Variants in RIMS2 observed in about 807,000 individuals in gnomAD.
RIMS2 encodes regulating synaptic membrane exocytosis 2.
In RIMS2, 59 loss-of-function variants were observed where a neutral mutation model predicts 174.4. That is an observed-to-expected ratio of 0.34 (90% CI 0.27 to 0.42). The LOEUF is 0.42. RIMS2 is among the 10% of genes least tolerant of loss of function. RIMS2 has a pLI of 1.00. For missense variants in RIMS2, 1,620 were observed against 1,666.3 expected (o/e 0.97, Z 0.48); for synonymous variants, 606 against 572.5 (o/e 1.06, Z -0.84).
intron 3 of RIMS2, among the ~76,000 whole-genome samples, chr8:103,863,739 G>C (rs2099070317): frequency 6.6e-6 from 1 of 151,920 alleles, no homozygotes; most frequent in African/African-American, 2.4e-5. Context: ...GTTCATAATA[G>C]TCTTTGAGGA....
intron 19 of RIMS2, among the ~76,000 whole-genome samples, chr8:104,093,907 A>T (rs1435915895): frequency 6.6e-6 from 1 of 151,982 alleles, no homozygotes; most frequent in Non-Finnish European, 1.5e-5. Flanking sequence ...GTAATTTAAA[A>T]ATTAAGACCT....
chr8:103,755,094 T>C (rs2097965912), intron 2 of RIMS2, among the ~76,000 whole-genome samples: 1 of 152,182 alleles, frequency 6.6e-6, no homozygotes, highest in East Asian at 1.9e-4. Flanking sequence ...GTTTAGTGCT[T>C]CCTTCAAGAG....
chr8:103,587,043 A>G (rs529842429), intron 1 of RIMS2, among the ~76,000 whole-genome samples: 1 of 152,200 alleles, frequency 6.6e-6, no homozygotes, highest in African/African-American at 2.4e-5. Context: ...GGCTGAATGA[A>G]TGAAAAAACA....
At chr8:103,537,636 C>A (rs369127646) in intron 1 of RIMS2, among the ~76,000 whole-genome samples, 137 of 152,200 alleles carry the variant, frequency 9.0e-4, no homozygotes, top group African/African-American at 3.2e-3. Context: ...TAGGGTAGTA[C>A]TTACCATGTC....
At chr8:104,151,982 G>A (rs561940618) in intron 19 of RIMS2, among the ~76,000 whole-genome samples, 1 of 152,184 alleles carries the variant, frequency 6.6e-6, no homozygotes, top group East Asian at 1.9e-4. Flanking sequence ...AAAAACAGAA[G>A]GGTCAGTATT....
intron 1 of RIMS2, among the ~76,000 whole-genome samples, chr8:103,603,002 A>AT (rs560532134): frequency 6.6e-6 from 1 of 151,360 alleles, no homozygotes; most frequent in African/African-American, 2.4e-5. Flanking sequence ...TTTATTTTTT[A>AT]TTTTTTTATT....
intron 2 of RIMS2, among the ~76,000 whole-genome samples, chr8:103,744,236 G>A (rs1344056777): frequency 1.3e-5 from 2 of 151,556 alleles, no homozygotes; most frequent in African/African-American, 4.9e-5. Context: ...ACTAGAGATG[G>A]GGTGTCACCA....
intron 1 of RIMS2, among the ~76,000 whole-genome samples, chr8:103,609,854 C>T (rs1278526806): frequency 6.6e-6 from 1 of 152,094 alleles, no homozygotes; most frequent in Non-Finnish European, 1.5e-5. Flanking sequence ...TAGTTTTTTT[C>T]TAATTCTGTG....
chr8:103,588,318 AC>A (rs1381447273), intron 1 of RIMS2, among the ~76,000 whole-genome samples: 3 of 151,838 alleles, frequency 2.0e-5, no homozygotes, highest in Non-Finnish European at 3.0e-5. Flanking sequence ...TAAAAGGTCT[AC>A]CCAAAACAAT....
chr8:103,624,590 A>G (rs917835109), intron 1 of RIMS2, among the ~76,000 whole-genome samples: 11 of 152,214 alleles, frequency 7.2e-5, no homozygotes, highest in Non-Finnish European at 2.9e-5. Flanking sequence ...TTCTTGAGGG[A>G]ATAATCTAAC....
chr8:104,107,967 G>GCCCCCCCCC (rs11322161), intron 19 of RIMS2, among the ~76,000 whole-genome samples: 1 of 141,162 alleles, frequency 7.1e-6, no homozygotes, highest in Non-Finnish European at 1.5e-5. Flanking sequence ...TCTTTCCCCT[G>GCCCCCCCCC]CCCCCCCCCC....
At chr8:103,542,146 TAAAGA>T (rs936672103) in intron 1 of RIMS2, among the ~76,000 whole-genome samples, 7 of 151,912 alleles carry the variant, frequency 4.6e-5, no homozygotes, top group African/African-American at 7.2e-5. Flanking sequence ...AATCAGGAAT[TAAAGA>T]AAAGATATTC....
chr8:104,084,468 T>C (rs13278933), intron 19 of RIMS2, among the ~76,000 whole-genome samples: 33,729 of 144,158 alleles, frequency 0.23, 4,260 homozygotes, highest in African/African-American at 0.33. Context: ...TAAAGTAGAA[T>C]AGTTTCAAGA....
intron 19 of RIMS2, among the ~76,000 whole-genome samples, chr8:104,166,439 G>A (rs148599421): frequency 6.6e-6 from 1 of 152,200 alleles, no homozygotes; most frequent in East Asian, 1.9e-4. Flanking sequence ...AAATGAGATA[G>A]GAATGCATGT....
chr8:103,966,399 AT>A (rs1469194469), intron 15 of RIMS2, among the ~76,000 whole-genome samples: 1 of 152,112 alleles, frequency 6.6e-6, no homozygotes, highest in East Asian at 1.9e-4. Flanking sequence ...ACATTATCAA[AT>A]TTGTGGGCAT....
At chr8:103,604,439 T>G (rs2094939202) in intron 1 of RIMS2, among the ~76,000 whole-genome samples, 1 of 152,170 alleles carries the variant, frequency 6.6e-6, no homozygotes, top group African/African-American at 2.4e-5. Context: ...GTGTGATGCC[T>G]CCAGCTTTGT....
At chr8:103,929,881 C>G (rs983026034) in intron 11 of RIMS2, among the ~76,000 whole-genome samples, 2 of 151,798 alleles carry the variant, frequency 1.3e-5, no homozygotes, top group African/African-American at 4.8e-5. Context: ...TTGTTAATCT[C>G]TTAATCTAAG....
At chr8:103,793,593 G>A (rs1046178761) in intron 3 of RIMS2, among the ~76,000 whole-genome samples, 6 of 152,102 alleles carry the variant, frequency 3.9e-5, no homozygotes, top group African/African-American at 1.4e-4. Context: ...CAATCAGGCA[G>A]GAGAAAGAAA....
chr8:103,529,738 T>C (rs1836088661), intron 1 of RIMS2, among the ~76,000 whole-genome samples: 1 of 152,270 alleles, frequency 6.6e-6, no homozygotes, highest in Non-Finnish European at 1.5e-5. Context: ...AGCTGTAGAC[T>C]GGAGCTGTTC....
Sources: allele counts gnomAD v4.1 joint callset (sites outside exome capture counted in the v4.1 genomes callset), GRCh38; gene constraint gnomAD v4.1.1; transcripts MANE v1.5; gene names NCBI Gene and HGNC (gene_info 2026-07-23, HGNC 2026-07-21).